The following EXOC1L variants were observed in gnomAD, a reference collection of about 807,000 sequenced individuals.
EXOC1L encodes exocyst complex component 1 like, also known as exocyst complex component 1-like.
Under a neutral mutation model 4.9 loss-of-function variants are expected in EXOC1L, and 10 were observed. That is an observed-to-expected ratio of 2.02 (90% CI 1.25 to 3.43). The LOEUF is 3.43. Ranked by LOEUF, EXOC1L falls within the 30% of genes most tolerant of loss-of-function variation. The probability of loss-of-function intolerance (pLI) is 0.00; values close to 1 mark genes in which losing one functional copy is unlikely to be tolerated. For missense variants in EXOC1L, 114 were observed against 59.4 expected (o/e 1.92, Z -3.02); for synonymous variants, 41 against 20.8 (o/e 1.97, Z -2.63).
intron 1 of EXOC1L, among the ~76,000 whole-genome samples, chr4:55,822,636 T>G (rs1003470918): frequency 6.6e-6 from 1 of 152,192 alleles, no homozygotes; most frequent in Non-Finnish European, 1.5e-5. Context: ...GGAACAGACC[T>G]TCACACACTT....
chr4:55,825,957 C>T (rs1384924379), intron 1 of EXOC1L, among the ~76,000 whole-genome samples: 6 of 151,352 alleles, frequency 4.0e-5, no homozygotes, highest in Admixed American at 1.3e-4. Context: ...TGGTGGTAGG[C>T]GCCTGTAATC....
chr4:55,827,139 G>C (rs1272011445), intron 1 of EXOC1L, among the ~76,000 whole-genome samples: 1 of 152,150 alleles, frequency 6.6e-6, no homozygotes, highest in Non-Finnish European at 1.5e-5. Context: ...GATCTTCTCA[G>C]CCTGGTATTC....
chr4:55,828,318 C>T (rs2110282828), intron 1 of EXOC1L, among the ~76,000 whole-genome samples: 1 of 152,258 alleles, frequency 6.6e-6, no homozygotes, highest in Admixed American at 6.5e-5. Context: ...AATTCACGAT[C>T]TTCTTCCAAG....
intron 1 of EXOC1L, among the ~76,000 whole-genome samples, chr4:55,827,493 AG>A (rs1243752741): frequency 6.6e-6 from 1 of 152,204 alleles, no homozygotes; most frequent in East Asian, 1.9e-4. Context: ...TCTCAGTGAC[AG>A]CAGGAATGAT....
At chr4:55,835,650 C>A (rs1008893501) in intron 2 of EXOC1L, among the ~76,000 whole-genome samples, 5 of 151,922 alleles carry the variant, frequency 3.3e-5, no homozygotes, top group African/African-American at 1.2e-4. Flanking sequence ...ATTTGTATAT[C>A]TTCTTTTAAG....
At chr4:55,830,289 G>C (rs182413059) in intron 1 of EXOC1L, among the ~76,000 whole-genome samples, 1 of 152,226 alleles carries the variant, frequency 6.6e-6, no homozygotes, top group African/African-American at 2.4e-5. Flanking sequence ...GACAGAACCA[G>C]CTTGCAACTC....
chr4:55,820,802 C>T (rs576290456), intron 1 of EXOC1L, among the ~76,000 whole-genome samples: 1 of 152,080 alleles, frequency 6.6e-6, no homozygotes, highest in Non-Finnish European at 1.5e-5. Context: ...AGATTTTTAC[C>T]CTCATGTTTC....
intron 2 of EXOC1L, among the ~76,000 whole-genome samples, 188 bp from the exon 3 acceptor site, chr4:55,836,894 CTTA>C (rs1012002591): frequency 1.3e-5 from 2 of 151,900 alleles, no homozygotes; most frequent in African/African-American, 4.8e-5. Context: ...AATAACCTTT[CTTA>C]TTGTTGATTT....
At chr4:55,830,628 T>A (rs1015098513) in intron 1 of EXOC1L, among the ~76,000 whole-genome samples, 1 of 152,190 alleles carries the variant, frequency 6.6e-6, no homozygotes, top group Non-Finnish European at 1.5e-5. Context: ...AAAAAAAGCA[T>A]TTCCCTCATT....
At chr4:55,821,493 A>T (rs1290197248) in intron 1 of EXOC1L, among the ~76,000 whole-genome samples, 3 of 152,186 alleles carry the variant, frequency 2.0e-5, no homozygotes, top group Non-Finnish European at 4.4e-5. Flanking sequence ...TTTCCACTTT[A>T]TAAAGCTGAT....
Position 55,837,091 on chromosome 4 carries a change from C to A in EXOC1L, c.259C>A (p.Pro87Thr). ...GTCTCTCATTCTCTTCCAGGACAATCCATTTTTTGATCTGCACTTCAAGAA... is the reference window on the plus strand; with the variant it reads ...GTCTCTCATTCTCTTCCAGGACAATACATTTTTTGATCTGCACTTCAAGAA... Reference protein sequence around the residue: ...IDGKEADTDNPFFDLHFKKVY... With the variant: ...IDGKEADTDNTFFDLHFKKVY... Residue 87 changes from proline (P) to threonine (T), a missense_variant, in exon 3 of 3, where the codon CCA becomes ACA. Transcript: ENST00000636125. 1 of 698,550 alleles carries A rather than the reference C, an allele frequency of 1.4e-6. No homozygotes were observed. The highest frequency in any genetic ancestry group is 2.0e-5 in the Admixed American group (1 of 49,718). The allele number at this position is 698,550 out of a possible 1,614,324, so 43.3% of individuals were successfully genotyped here. A position where few individuals can be genotyped will look rare whatever the true frequency, so the allele number is the denominator to read the frequency against.
At chr4:55,833,254 C>T (rs1043781797) in intron 2 of EXOC1L, among the ~76,000 whole-genome samples, 1 of 151,854 alleles carries the variant, frequency 6.6e-6, no homozygotes, top group Non-Finnish European at 1.5e-5. Flanking sequence ...TGTTCAGCCA[C>T]TTAACAAGTT....
At chr4:55,836,931 G>C (rs1720179797) in intron 2 of EXOC1L, among the ~76,000 whole-genome samples, 154 bp from the exon 3 acceptor site, 1 of 151,932 alleles carries the variant, frequency 6.6e-6, no homozygotes, top group South Asian at 2.1e-4. Context: ...CTTTGAAGTA[G>C]GTAGCTTTGG....
chr4:55,833,689 T>TA (rs1466253608), intron 2 of EXOC1L, among the ~76,000 whole-genome samples: 1 of 151,940 alleles, frequency 6.6e-6, no homozygotes, highest in African/African-American at 2.4e-5. Flanking sequence ...GCTCAATGCC[T>TA]AGGATTATAT....
chr4:55,830,457 T>A (rs1026163659), intron 1 of EXOC1L, among the ~76,000 whole-genome samples: 2 of 152,194 alleles, frequency 1.3e-5, no homozygotes, highest in Admixed American at 1.3e-4. Flanking sequence ...CTTTTACTTG[T>A]ATCCCCTGCG....
At chr4:55,827,313 T>C (rs1415244259) in intron 1 of EXOC1L, among the ~76,000 whole-genome samples, 1 of 152,204 alleles carries the variant, frequency 6.6e-6, no homozygotes, top group Non-Finnish European at 1.5e-5. Flanking sequence ...ATCTTCATTC[T>C]GCTAACTTCT....
chr4:55,825,489 A>C (rs190289155), intron 1 of EXOC1L, among the ~76,000 whole-genome samples: 1 of 152,322 alleles, frequency 6.6e-6, no homozygotes, highest in East Asian at 1.9e-4. Context: ...CTTTAAATCC[A>C]GGTCCACTTG....
chr4:55,835,880 T>A (rs1296294269), intron 2 of EXOC1L, among the ~76,000 whole-genome samples: 1 of 151,956 alleles, frequency 6.6e-6, no homozygotes, highest in African/African-American at 2.4e-5. Flanking sequence ...TTTAACTTTT[T>A]AAATGGTAAT....
At chr4:55,833,909 C>G (rs1720095705) in intron 2 of EXOC1L, among the ~76,000 whole-genome samples, 1 of 151,880 alleles carries the variant, frequency 6.6e-6, no homozygotes, top group Non-Finnish European at 1.5e-5. Context: ...ACCTAAAATA[C>G]TCAATTGCCA....
Sources: allele counts gnomAD v4.1 joint callset (sites outside exome capture counted in the v4.1 genomes callset), GRCh38; gene constraint gnomAD v4.1.1; transcripts MANE v1.5; gene names NCBI Gene and HGNC (gene_info 2026-07-23, HGNC 2026-07-21).